NEDD4L: variants seen among roughly 807,000 people sequenced by gnomAD.
The protein encoded by NEDD4L is NEDD4 like E3 ubiquitin protein ligase.
Under a neutral mutation model 148.9 loss-of-function variants are expected in NEDD4L, and 54 were observed. The ratio of observed to expected loss-of-function variants is 0.36; its 90% CI spans 0.29 to 0.45. The LOEUF (loss-of-function observed/expected upper bound fraction) is 0.45, where lower values mean the gene tolerates loss of function less well. NEDD4L is among the 20% of genes least tolerant of loss of function. NEDD4L has a pLI of 1.00. For synonymous variants in NEDD4L, 433 were observed against 440.7 expected (o/e 0.98, Z 0.22); for missense variants, 856 against 1,233.8 (o/e 0.69, Z 4.59).
intron 1 of NEDD4L, among the ~76,000 whole-genome samples, chr18:58,099,475 T>G (rs1003200220): frequency 8.5e-5 from 13 of 152,256 alleles, no homozygotes; most frequent in African/African-American, 3.1e-4. Context: ...TGGGTTCTCA[T>G]GCACATGACC....
intron 5 of NEDD4L, among the ~76,000 whole-genome samples, chr18:58,276,357 T>C (rs907393427): frequency 5.3e-5 from 8 of 152,150 alleles, no homozygotes; most frequent in East Asian, 3.9e-4. Flanking sequence ...TACAGGCACA[T>C]GCCACCACAC....
intron 24 of NEDD4L, among the ~76,000 whole-genome samples, chr18:58,377,778 C>G (rs943337356): frequency 6.6e-6 from 1 of 151,056 alleles, no homozygotes; most frequent in African/African-American, 2.5e-5. Flanking sequence ...GAGTCTCGCT[C>G]TGTCACCCAG....
chr18:58,104,278 G>A (rs1444501491), intron 1 of NEDD4L, among the ~76,000 whole-genome samples: 3 of 152,188 alleles, frequency 2.0e-5, no homozygotes, highest in Non-Finnish European at 4.4e-5. Flanking sequence ...AAAGAACACA[G>A]ATTTGTGGTT....
At chr18:58,291,791 T>A (rs1020077577) in intron 5 of NEDD4L, among the ~76,000 whole-genome samples, 2 of 151,952 alleles carry the variant, frequency 1.3e-5, no homozygotes, top group Admixed American at 6.6e-5. Flanking sequence ...CCCCACCCCA[T>A]GGATACAGTG....
chr18:58,310,705 G>A (rs541627401), intron 5 of NEDD4L, among the ~76,000 whole-genome samples: 44 of 152,322 alleles, frequency 2.9e-4, no homozygotes, highest in Non-Finnish European at 5.4e-4. Flanking sequence ...ACAAGTGGAA[G>A]GAGGAAAAGG....
intron 18 of NEDD4L, among the ~76,000 whole-genome samples, chr18:58,354,443 T>TA (rs767179585): frequency 0.019 from 2,698 of 139,186 alleles, 50 homozygotes; most frequent in African/African-American, 0.047. Flanking sequence ...CAAAGTTCTT[T>TA]AAAAAAAAAA....
intron 5 of NEDD4L, among the ~76,000 whole-genome samples, chr18:58,307,610 G>A (rs148272316): frequency 4.5e-4 from 68 of 152,240 alleles, no homozygotes; most frequent in Middle Eastern, 6.8e-3. Flanking sequence ...TTCCATTCCC[G>A]TGTAATTTGT....
chr18:58,369,869 C>T (rs1047137797), intron 22 of NEDD4L, among the ~76,000 whole-genome samples: 4 of 152,234 alleles, frequency 2.6e-5, no homozygotes, highest in Admixed American at 6.5e-5. Context: ...TCCAGCCTGT[C>T]CCCTTCCTGT....
At position 58,252,013 on chromosome 18, in the gene NEDD4L, A is replaced by C; in HGVS notation, c.256A>C (p.Asn86His). ...ATGTTCCTTATAGGTAAACCCATCTAATCACAGACTCCTATTTGAAGTATT... is the reference window on the plus strand; with the variant it reads ...ATGTTCCTTATAGGTAAACCCATCTCATCACAGACTCCTATTTGAAGTATT... ...EEFYFRVNPSNHRLLFEVFDE... is the reference protein window; with the variant it reads ...EEFYFRVNPSHHRLLFEVFDE... The change falls in exon 5 of 31, where the codon AAT (asparagine) becomes CAT (histidine). Residue 86 changes from asparagine (N) to histidine (H), a missense_variant. Physicochemically the swap from Asn to His is moderately conservative, Grantham distance 68. Transcript: ENST00000400345. 1 of 1,578,380 alleles carries C rather than the reference A, an allele frequency of 6.3e-7. No homozygotes were observed. Among genetic ancestry groups the C allele is most frequent in the Non-Finnish European group, 8.7e-7 (1 of 1,147,548 alleles).
At chr18:58,277,590 G>A (rs1165131149) in intron 5 of NEDD4L, among the ~76,000 whole-genome samples, 1 of 152,190 alleles carries the variant, frequency 6.6e-6, no homozygotes, top group Non-Finnish European at 1.5e-5. Context: ...TTCTCAGTGG[G>A]TGTAAATGGG....
At chr18:58,123,099 G>A (rs113423056) in intron 1 of NEDD4L, among the ~76,000 whole-genome samples, 31 of 152,116 alleles carry the variant, frequency 2.0e-4, no homozygotes, top group African/African-American at 6.8e-4. Context: ...TGTCATGGCA[G>A]CATCCTTACA....
rs749659281 is a variant in NEDD4L at position 58,245,464 on chromosome 18, G to C, written c.160G>C (p.Glu54Gln). The change falls in exon 3 of 31, where the codon GAG becomes CAG. Residue 54 changes from glutamate to glutamine, a missense_variant. Glu to Gln is a conservative substitution (Grantham distance 29). This residue lies in a region of NEDD4L where 193 missense variants were observed against 244.2 expected (regional missense o/e 0.79). Coordinates refer to ENST00000400345, the MANE Select transcript of NEDD4L (RefSeq NM_001144967.3). ...YVKLSLYVAD[E>Q]NRELALVQTK... ...GAAACTTTCATTGTACGTAGCGGAT[G>C]AGAATAGAGAACTTGCTTTGGTCCA... 1 of 1,585,474 alleles carries C rather than the reference G, an allele frequency of 6.3e-7. No homozygotes were observed. Among genetic ancestry groups the C allele is most frequent in the Non-Finnish European group, 8.6e-7 (1 of 1,160,262 alleles).
At chr18:58,048,401 A>G (rs534490587) in intron 1 of NEDD4L, among the ~76,000 whole-genome samples, 22 of 152,286 alleles carry the variant, frequency 1.4e-4, no homozygotes, top group African/African-American at 4.6e-4. Flanking sequence ...TTGTGCACAT[A>G]CTATGTCATT....
chr18:58,116,022 C>T (rs2085805528), intron 1 of NEDD4L, among the ~76,000 whole-genome samples: 1 of 152,164 alleles, frequency 6.6e-6, no homozygotes, highest in African/African-American at 2.4e-5. Context: ...AAACCCGGTA[C>T]AGCCAACTTT....
At chr18:58,046,064 G>A (rs2081566592) in intron 1 of NEDD4L, 1 of 152,072 alleles carries the variant, frequency 6.6e-6, no homozygotes, top group African/African-American at 2.4e-5. Flanking sequence ...GGGTGTTTAG[G>A]GTATGAATTT....
At position 58,169,160 on chromosome 18, in the gene NEDD4L, G is replaced by A. The variant is rs528358671; in HGVS notation, c.122+3299G>A. The stretch of plus-strand genomic sequence containing the variant: ...TGCCCTTGTCCTTTTCGGCCGTCTC[G>A]GCCCCAGTCCAGTACTTAGGATCCA... On this transcript the variant is annotated intron_variant, in intron 2 of 30. Transcript: ENST00000400345. Among the ~76,000 whole-genome samples the A allele has an allele frequency of 1.0e-3, 153 of 152,282 alleles. 1 individual carries two copies. Among genetic ancestry groups the A allele is most frequent in the African/African-American group, 3.5e-3 (145 of 41,544 alleles).
intron 28 of NEDD4L, among the ~76,000 whole-genome samples, chr18:58,389,701 A>G (rs1031007990): frequency 1.3e-5 from 2 of 152,078 alleles, no homozygotes; most frequent in African/African-American, 4.8e-5. Flanking sequence ...GGGAAGTAAA[A>G]TAGGAATGGG....
At chr18:58,164,509 T>C (rs746597275) in intron 1 of NEDD4L, among the ~76,000 whole-genome samples, 4 of 152,198 alleles carry the variant, frequency 2.6e-5, no homozygotes, top group Non-Finnish European at 5.9e-5. Flanking sequence ...GCCTGTACTG[T>C]CACCCAGGCT....
At position 58,366,616 on chromosome 18, in the gene NEDD4L, CA is replaced by C. The variant is rs1289411635; in HGVS notation, c.2063+391del. The C allele has an allele frequency of 6.2e-6, 1 of 160,522 alleles. No individual in the cohort carries two copies. Among genetic ancestry groups the C allele is most frequent in the Non-Finnish European group, 1.4e-5 (1 of 73,894 alleles). The allele number at this position is 160,522 out of a possible 1,614,324, so 9.9% of individuals were successfully genotyped here. ...GTTTCTGAGGTCTCCTGTGTAAAGG[CA>C]AATTGTAAGGACTTTGAGGACCTAG... On this transcript the variant is annotated intron_variant, in intron 21 of 30. Coordinates refer to ENST00000400345, the MANE Select transcript of NEDD4L (RefSeq NM_001144967.3). The surrounding 1 kb of genome is among the most constrained non-coding windows in gnomAD (Gnocchi z 4.2).
Sources: gnomAD v4.1 joint callset for allele counts (sites outside exome capture counted in the v4.1 genomes callset) on GRCh38, gnomAD v4.1.1 for gene constraint, gnomAD v4.1.1 regional missense constraint, Gnocchi (gnomAD v3.1) non-coding constraint, MANE v1.5 for transcripts, NCBI Gene and HGNC (gene_info 2026-07-23, HGNC 2026-07-21) for gene names.